The following NREP variants were observed in gnomAD, a reference collection of about 807,000 sequenced individuals.
NREP encodes the protein neuronal regeneration related protein, also known as neuronal regeneration-related protein.
NREP carries 5 observed loss-of-function variants against 8.6 expected under a neutral mutation model. The observed-to-expected ratio is 0.58, with a 90% CI of 0.30 to 1.22. The LOEUF is 1.22. Ranked by LOEUF, NREP falls within the 50% of genes most tolerant of loss-of-function variation. NREP has a pLI of 0.07. For synonymous variants in NREP, 27 were observed against 28.0 expected (o/e 0.96, Z 0.11); for missense variants, 86 against 82.5 (o/e 1.04, Z -0.17).
chr5:111,904,960 C>T (rs1420928109), intron 2 of NREP, among the ~76,000 whole-genome samples: 3 of 151,986 alleles, frequency 2.0e-5, no homozygotes, highest in Non-Finnish European at 4.4e-5. Context: ...CCCTAGTAAT[C>T]GTTTATTGCT....
At chr5:111,737,716 AAAAAAAAAAAAAAC>A in intron 2 of NREP, among the ~76,000 whole-genome samples, 1 of 88,686 alleles carries the variant, frequency 1.1e-5, no homozygotes, top group South Asian at 2.7e-4. Context: ...TCCATTTGCT[AAAAAAAAAAAAAAC>A]AAAAACAAAA....
chr5:111,782,162 C>T (rs1468883699), intron 2 of NREP, among the ~76,000 whole-genome samples: 1 of 152,098 alleles, frequency 6.6e-6, no homozygotes, highest in Non-Finnish European at 1.5e-5. Flanking sequence ...TTGTAGTACT[C>T]CAAATATTTA....
chr5:111,967,518 T>C (rs936545794), intron 2 of NREP, among the ~76,000 whole-genome samples: 1 of 152,190 alleles, frequency 6.6e-6, no homozygotes, highest in Non-Finnish European at 1.5e-5. Context: ...AGCTAGTCCA[T>C]CAAGATTGAT....
intron 2 of NREP, among the ~76,000 whole-genome samples, chr5:111,817,553 C>A (rs1020636965): frequency 2.6e-5 from 4 of 151,978 alleles, no homozygotes; most frequent in African/African-American, 9.7e-5. Context: ...CACCTGTAAT[C>A]CCAGCACTTT....
chr5:111,807,268 C>T (rs1054583678), intron 2 of NREP, among the ~76,000 whole-genome samples: 2 of 152,046 alleles, frequency 1.3e-5, no homozygotes, highest in African/African-American at 4.8e-5. Context: ...AGTTCAGTTT[C>T]TTTTATAAAA....
chr5:111,885,793 T>C (rs557750784), intron 2 of NREP, among the ~76,000 whole-genome samples: 119 of 152,280 alleles, frequency 7.8e-4, no homozygotes, highest in African/African-American at 2.4e-3. Flanking sequence ...AACTGGATCC[T>C]TTCCTTCCAC....
chr5:111,952,773 T>C (rs762428872), intron 2 of NREP, among the ~76,000 whole-genome samples: 8 of 152,276 alleles, frequency 5.3e-5, no homozygotes, highest in Middle Eastern at 3.4e-3. Context: ...TTGATTGTTA[T>C]TGTCCTGTAG....
intron 2 of NREP, among the ~76,000 whole-genome samples, chr5:111,919,565 C>G (rs767846836): frequency 1.3e-5 from 2 of 152,164 alleles, no homozygotes; most frequent in Non-Finnish European, 1.5e-5. Context: ...GAGTTCATAT[C>G]TTTACAGGGA....
At chr5:111,957,913 A>G (rs920079321) in intron 2 of NREP, among the ~76,000 whole-genome samples, 2 of 151,942 alleles carry the variant, frequency 1.3e-5, no homozygotes, top group Admixed American at 6.6e-5. Context: ...AATTTAAATG[A>G]TCATCTCAAT....
chr5:111,861,482 GT>G (rs1753541995), intron 2 of NREP, among the ~76,000 whole-genome samples: 1 of 152,090 alleles, frequency 6.6e-6, no homozygotes, highest in East Asian at 1.9e-4. Flanking sequence ...ATAGGCTCCA[GT>G]ATTTCTTTCT....
intron 1 of NREP, among the ~76,000 whole-genome samples, chr5:111,976,540 G>A (rs575055304): frequency 4.6e-5 from 7 of 152,128 alleles, no homozygotes; most frequent in South Asian, 2.1e-4. Context: ...ATAAATGAAC[G>A]AATTACATAA....
intron 2 of NREP, among the ~76,000 whole-genome samples, chr5:111,941,679 C>T (rs543356789): frequency 6.6e-6 from 1 of 151,960 alleles, no homozygotes; most frequent in African/African-American, 2.4e-5. Context: ...TGAATGCAAG[C>T]CTATTATTAA....
intron 2 of NREP, among the ~76,000 whole-genome samples, chr5:111,746,165 T>C (rs972784707): frequency 6.6e-6 from 1 of 152,152 alleles, no homozygotes; most frequent in African/African-American, 2.4e-5. Context: ...GATTTCTGAT[T>C]GAATTGATTG....
exon 1 of NREP, chr5:111,976,774 T>C: frequency 6.5e-7 from 1 of 1,545,460 alleles, no homozygotes. Context: ...TAAAGTTCAG[T>C]CTTTAAAGGA....
At chr5:111,796,625 T>G (rs1323463587) in intron 2 of NREP, among the ~76,000 whole-genome samples, 6 of 152,188 alleles carry the variant, frequency 3.9e-5, no homozygotes, top group Non-Finnish European at 7.4e-5. Flanking sequence ...AAAAAATGCC[T>G]GCTTGAAGCC....
chr5:111,744,611 G>GGGTTGTGAAAATCCAAACT (rs1554095591), intron 2 of NREP, among the ~76,000 whole-genome samples: 3 of 152,076 alleles, frequency 2.0e-5, no homozygotes, highest in Non-Finnish European at 2.9e-5. Context: ...CCTCTGGGTG[G>GGGTTGTGAAAATCCAAACT]AGCCAAGTCT....
chr5:111,924,342 C>A (rs1331490766), intron 2 of NREP, among the ~76,000 whole-genome samples: 4 of 151,940 alleles, frequency 2.6e-5, no homozygotes, highest in African/African-American at 7.3e-5. Flanking sequence ...TTTGTCCATA[C>A]AAGTGAGGGG....
chr5:111,779,583 G>A (rs1444802978), intron 2 of NREP, among the ~76,000 whole-genome samples: 1 of 152,164 alleles, frequency 6.6e-6, no homozygotes, highest in Non-Finnish European at 1.5e-5. Flanking sequence ...TCCAAGAAAG[G>A]GGGTAAGGGC....
chr5:111,911,669 T>G (rs905370799), intron 2 of NREP, among the ~76,000 whole-genome samples: 1 of 152,114 alleles, frequency 6.6e-6, no homozygotes, highest in African/African-American at 2.4e-5. Context: ...TGTGCTACTA[T>G]TATTCAGGCT....
Sources: gnomAD v4.1 joint callset for allele counts (sites outside exome capture counted in the v4.1 genomes callset) on GRCh38, gnomAD v4.1.1 for gene constraint, MANE v1.5 for transcripts, NCBI Gene and HGNC (gene_info 2026-07-23, HGNC 2026-07-21) for gene names.